Variants in CLCA1 observed in about 807,000 individuals in gnomAD.
CLCA1 encodes the protein calcium-activated chloride channel regulator 1.
A neutral mutation model predicts 85.6 loss-of-function variants in CLCA1; 59 were observed. The ratio of observed to expected loss-of-function variants is 0.69; its 90% confidence interval spans 0.56 to 0.86. CLCA1 has a LOEUF of 0.86. Among genes scored for constraint, CLCA1 ranks in the 40% least tolerant of loss-of-function variants. CLCA1 has a pLI of 0.00. For synonymous variants in CLCA1, 396 were observed against 398.3 expected (o/e 0.99, Z 0.07); for missense variants, 1,022 against 1,101.4 (o/e 0.93, Z 1.02).
intron 7 of CLCA1, 57 bp from the exon 8 acceptor site, chr1:86,488,939 C>A: frequency 1.4e-6 from 2 of 1,459,422 alleles, no homozygotes; most frequent in Non-Finnish European, 1.9e-6. Context: ...GCAGAATTTT[C>A]ATAAACACTT....
chr1:86,477,757 A>G (rs905325749), intron 4 of CLCA1, among the ~76,000 whole-genome samples: 3 of 152,272 alleles, frequency 2.0e-5, no homozygotes, highest in African/African-American at 7.2e-5. Flanking sequence ...TGAATATAGT[A>G]TATGAAGAAA....
intron 1 of CLCA1, among the ~76,000 whole-genome samples, chr1:86,471,126 C>T (rs766026669): frequency 2.0e-5 from 3 of 152,156 alleles, no homozygotes; most frequent in East Asian, 1.9e-4. Flanking sequence ...CATGCACACA[C>T]GCAGACATAC....
At chr1:86,486,066 T>A (rs1266329642) in intron 6 of CLCA1, among the ~76,000 whole-genome samples, 2 of 149,102 alleles carry the variant, frequency 1.3e-5, no homozygotes, top group Non-Finnish European at 3.0e-5. Flanking sequence ...AAGAGCCCCT[T>A]AGCCCCTTAT....
intron 4 of CLCA1, among the ~76,000 whole-genome samples, chr1:86,477,717 G>A (rs1647706493): frequency 6.6e-6 from 1 of 152,168 alleles, no homozygotes; most frequent in Non-Finnish European, 1.5e-5. Flanking sequence ...ATGTCTTCCA[G>A]AAATCCAAAA....
At chr1:86,499,137 T>C (rs2101750964) in intron 13 of CLCA1, among the ~76,000 whole-genome samples, 1 of 152,306 alleles carries the variant, frequency 6.6e-6, no homozygotes, top group Non-Finnish European at 1.5e-5. Context: ...AGCATAGATG[T>C]CTGCAGAGCA....
In CLCA1 at chr1:86,492,712, A is replaced by G. The variant is rs1648169345; in HGVS notation, c.1465-672A>G. 2.0e-5 allele frequency among the ~76,000 whole-genome samples: 3 copies of G among 152,202 alleles called. No individual in the cohort carries two copies. The South Asian group carries it at 6.2e-4, about 31-fold the overall frequency. ...CTCTGCAGCTCCCTCATTCTATTCCAAACAAGCTGGCCTTGGCTTATGTCA... is the reference window on the plus strand; with the variant it reads ...CTCTGCAGCTCCCTCATTCTATTCCGAACAAGCTGGCCTTGGCTTATGTCA... On this transcript the variant is annotated intron_variant, in intron 9 of 13. Transcript: ENST00000394711.
chr1:86,474,329 C>T (rs555376560), intron 3 of CLCA1, among the ~76,000 whole-genome samples: 30 of 152,188 alleles, frequency 2.0e-4, no homozygotes, highest in Non-Finnish European at 3.7e-4. Context: ...CCGAGGCGGG[C>T]GGATCACGAG....
At chr1:86,477,856 C>A (rs998946749) in intron 4 of CLCA1, among the ~76,000 whole-genome samples, 1 of 152,188 alleles carries the variant, frequency 6.6e-6, no homozygotes, top group African/African-American at 2.4e-5. Flanking sequence ...ACAACACCAT[C>A]TTTTTAAGTA....
chr1:86,498,485 G>A (rs1008966047), intron 12 of CLCA1, 87 bp from the exon 13 acceptor site: 27 of 1,349,258 alleles, frequency 2.0e-5, no homozygotes, highest in Non-Finnish European at 2.8e-5. Context: ...TGGGGAACAG[G>A]AAGAGGGTGA....
chr1:86,485,243 G>A, intron 5 of CLCA1, 100 bp from the exon 6 acceptor site: 1 of 874,976 alleles, frequency 1.1e-6, no homozygotes, highest in Non-Finnish European at 1.8e-6. Context: ...GTGCAATTGA[G>A]CCAAGGTTAT....
intron 11 of CLCA1, 94 bp downstream of exon 11, chr1:86,494,542 C>G (rs1648225131): frequency 7.6e-7 from 1 of 1,319,630 alleles, no homozygotes; most frequent in African/African-American, 1.5e-5. Flanking sequence ...GGCAGTTAGA[C>G]AGGCAAGGCA....
At chr1:86,487,560 G>T (rs551417384) in intron 7 of CLCA1, among the ~76,000 whole-genome samples, 1 of 152,262 alleles carries the variant, frequency 6.6e-6, no homozygotes, top group Non-Finnish European at 1.5e-5. Context: ...CAAGATCCCT[G>T]CTAGTCCCTG....
At chr1:86,487,002 G>A (rs909179451) in intron 7 of CLCA1, among the ~76,000 whole-genome samples, 1 of 152,100 alleles carries the variant, frequency 6.6e-6, no homozygotes, top group Non-Finnish European at 1.5e-5. Flanking sequence ...CTGCTATTTG[G>A]GCACATCACA....
intron 10 of CLCA1, 77 bp downstream of exon 10, chr1:86,493,676 T>C: frequency 8.8e-7 from 1 of 1,141,766 alleles, no homozygotes; most frequent in Non-Finnish European, 1.3e-6. Context: ...TGTAGCATTT[T>C]AAATGTTGGT....
At chr1:86,470,097 T>C (rs1475524697) in intron 1 of CLCA1, among the ~76,000 whole-genome samples, 1 of 152,180 alleles carries the variant, frequency 6.6e-6, no homozygotes, top group Non-Finnish European at 1.5e-5. Context: ...TCATTGGCTC[T>C]CTCTAGATGG....
intron 6 of CLCA1, 129 bp downstream of exon 6, chr1:86,485,690 C>T: frequency 1.3e-6 from 1 of 768,510 alleles, no homozygotes; most frequent in South Asian, 1.7e-5. Context: ...ACATTGTCTT[C>T]AGAAATGCCC....
In CLCA1 at chr1:86,495,550, CA is replaced by C; in HGVS notation, c.1990del (p.Thr664LeufsTer10). On this transcript the variant is annotated frameshift_variant, in exon 12 of 14. Coordinates refer to ENST00000394711, the MANE Select transcript of CLCA1 (RefSeq NM_001285.4). LOFTEE classifies it high-confidence loss of function. The stretch of plus-strand genomic sequence containing the variant: ...GACGGTGTCTACTCAAGGTATTTCA[CA>C]ACTTATGACACGAATGGTAGATACA... ...KDDGVYSRYFTTYDTNGRYSV... is the reference protein window; with the variant it reads ...KDDGVYSRYFXTYDTNGRYSV... 1 of 1,614,026 alleles carries C rather than the reference CA, an allele frequency of 6.2e-7. No homozygotes were observed. The highest frequency in any genetic ancestry group is 8.5e-7 in the Non-Finnish European group (1 of 1,179,914).
Position 86,494,172 on chromosome 1 carries a change from A to C in CLCA1, c.1681-15A>C. 1 of 1,613,492 alleles carries C rather than the reference A, an allele frequency of 6.2e-7. No homozygotes were observed. Among genetic ancestry groups the C allele is most frequent in the Non-Finnish European group, 8.5e-7 (1 of 1,179,438 alleles). The stretch of plus-strand genomic sequence containing the variant: ...GAAGTTATTCATTGGAAATGTTTAC[A>C]TGTGTTTTGGTCAGGTTGGCACTTG... On this transcript the variant is annotated splice_polypyrimidine_tract_variant and intron_variant, in intron 10 of 13. Transcript: ENST00000394711.
At chr1:86,470,358 A>G (rs1365312783) in intron 1 of CLCA1, among the ~76,000 whole-genome samples, 2 of 152,228 alleles carry the variant, frequency 1.3e-5, no homozygotes, top group African/African-American at 4.8e-5. Context: ...GAATCTCTCA[A>G]TCATCTAAAA....
Sources: allele counts gnomAD v4.1 joint callset (sites outside exome capture counted in the v4.1 genomes callset), GRCh38; gene constraint gnomAD v4.1.1; transcripts MANE v1.5; gene names NCBI Gene and HGNC (gene_info 2026-07-23, HGNC 2026-07-21).